The following ANTXR1 variants were observed in gnomAD, a reference collection of about 807,000 sequenced individuals.
The protein encoded by ANTXR1 is ANTXR cell adhesion molecule 1, also known as anthrax toxin receptor 1.
A neutral mutation model predicts 78.1 loss-of-function variants in ANTXR1; 19 were observed. The observed-to-expected ratio is 0.24, with a 90% CI of 0.17 to 0.36. The LOEUF is 0.36. ANTXR1 is among the 10% of genes least tolerant of loss of function. The probability of loss-of-function intolerance (pLI) is 1.00; values close to 1 mark genes in which losing one functional copy is unlikely to be tolerated. For synonymous variants in ANTXR1, 273 were observed against 260.5 expected (o/e 1.05, Z -0.46); for missense variants, 518 against 718.6 (o/e 0.72, Z 3.19).
intron 14 of ANTXR1, among the ~76,000 whole-genome samples, chr2:69,178,890 A>C (rs114492873): frequency 6.6e-6 from 1 of 152,214 alleles, no homozygotes; most frequent in Non-Finnish European, 1.5e-5. Context: ...TAAGAGGCTC[A>C]TGAACCTAGT....
chr2:69,086,545 C>T (rs547841641), intron 8 of ANTXR1, among the ~76,000 whole-genome samples: 1 of 152,352 alleles, frequency 6.6e-6, no homozygotes, highest in Non-Finnish European at 1.5e-5. Flanking sequence ...ACTTTTCCAT[C>T]TATTTTCTCT....
chr2:69,117,488 A>G (rs1006846818), intron 10 of ANTXR1, among the ~76,000 whole-genome samples: 1 of 152,236 alleles, frequency 6.6e-6, no homozygotes, highest in African/African-American at 2.4e-5. Flanking sequence ...GCATATGTGT[A>G]TATGTGTGTG....
chr2:69,029,084 C>G (rs543166146), intron 1 of ANTXR1, among the ~76,000 whole-genome samples: 6 of 149,528 alleles, frequency 4.0e-5, no homozygotes, highest in African/African-American at 1.5e-4. Flanking sequence ...AAATAATTAG[C>G]CAGGCGTGGT....
chr2:69,203,955 T>G (rs1444646824), intron 17 of ANTXR1, among the ~76,000 whole-genome samples: 2 of 152,102 alleles, frequency 1.3e-5, no homozygotes, highest in Non-Finnish European at 2.9e-5. Context: ...CTGTTCAAAT[T>G]CTCCGACCTC....
chr2:69,118,616 G>A (rs1460069940), intron 10 of ANTXR1, among the ~76,000 whole-genome samples: 1 of 152,148 alleles, frequency 6.6e-6, no homozygotes, highest in Non-Finnish European at 1.5e-5. Flanking sequence ...CCACCTAGAG[G>A]GTGGACCAGC....
chr2:69,045,745 A>G (rs1323029233), intron 3 of ANTXR1, among the ~76,000 whole-genome samples: 1 of 152,134 alleles, frequency 6.6e-6, no homozygotes, highest in Non-Finnish European at 1.5e-5. Context: ...AGGATTTGTA[A>G]CAGAAAGAGT....
intron 17 of ANTXR1, among the ~76,000 whole-genome samples, chr2:69,214,803 C>T (rs1049184348): frequency 6.6e-6 from 1 of 152,184 alleles, no homozygotes; most frequent in Non-Finnish European, 1.5e-5. Flanking sequence ...TCTCTTTTTT[C>T]CCCTGGGGTG....
chr2:69,120,884 G>A (rs1042271102), intron 10 of ANTXR1, among the ~76,000 whole-genome samples: 15 of 152,140 alleles, frequency 9.9e-5, no homozygotes, highest in Admixed American at 2.6e-4. Flanking sequence ...CTATGTGGCC[G>A]TGGTCATCTG....
intron 17 of ANTXR1, among the ~76,000 whole-genome samples, chr2:69,243,169 T>TAC (rs1254297513): frequency 2.0e-5 from 3 of 152,324 alleles, no homozygotes; most frequent in East Asian, 3.9e-4. Flanking sequence ...TAATGCTATG[T>TAC]CCTAGGAATT....
intron 17 of ANTXR1, among the ~76,000 whole-genome samples, chr2:69,221,262 C>A (rs1675312052): frequency 6.6e-6 from 1 of 152,124 alleles, no homozygotes; most frequent in Admixed American, 6.5e-5. Flanking sequence ...GAATACCTTT[C>A]AAAGAGTATC....
intron 3 of ANTXR1, among the ~76,000 whole-genome samples, chr2:69,062,086 G>A (rs1006885344): frequency 1.3e-5 from 2 of 152,174 alleles, no homozygotes; most frequent in Admixed American, 1.3e-4. Flanking sequence ...ACTTAAAGGT[G>A]GATGCGTGGT....
intron 12 of ANTXR1, among the ~76,000 whole-genome samples, chr2:69,139,396 C>T (rs1673007448): frequency 6.6e-6 from 1 of 152,234 alleles, no homozygotes; most frequent in South Asian, 2.1e-4. Flanking sequence ...CCCTGAGAAT[C>T]AGTCCTGACT....
chr2:69,129,311 G>A (rs1454704253), intron 12 of ANTXR1, among the ~76,000 whole-genome samples: 1 of 152,082 alleles, frequency 6.6e-6, no homozygotes, highest in Non-Finnish European at 1.5e-5. Context: ...TTTCTTTTAG[G>A]TACTTAAAAA....
chr2:69,213,592 G>A (rs1384659901), intron 17 of ANTXR1, among the ~76,000 whole-genome samples: 1 of 152,236 alleles, frequency 6.6e-6, no homozygotes, highest in Non-Finnish European at 1.5e-5. Flanking sequence ...TTCTGTTGAT[G>A]TAGTTACCTT....
chr2:69,098,983 C>CTAAA (rs56154212), intron 9 of ANTXR1, among the ~76,000 whole-genome samples: 1 of 151,596 alleles, frequency 6.6e-6, no homozygotes, highest in African/African-American at 2.4e-5. Context: ...GAGACTGCGT[C>CTAAA]TAAATAAATA....
At chr2:69,169,998 C>G (rs1020532617) in intron 13 of ANTXR1, among the ~76,000 whole-genome samples, 3 of 152,196 alleles carry the variant, frequency 2.0e-5, no homozygotes, top group African/African-American at 7.2e-5. Context: ...ACCTGTGGAA[C>G]ATTTATTTCT....
At chr2:69,226,233 T>C (rs1279764097) in intron 17 of ANTXR1, among the ~76,000 whole-genome samples, 3 of 152,182 alleles carry the variant, frequency 2.0e-5, no homozygotes, top group African/African-American at 7.2e-5. Flanking sequence ...GTCACCTTTC[T>C]TTTCCTGGAC....
chr2:69,132,811 G>A (rs954390935), intron 12 of ANTXR1, among the ~76,000 whole-genome samples: 4 of 152,186 alleles, frequency 2.6e-5, no homozygotes, highest in Non-Finnish European at 5.9e-5. Flanking sequence ...CAGGACCAAC[G>A]TGTTTTAAAT....
At chr2:69,034,866 G>A (rs181408768) in intron 1 of ANTXR1, among the ~76,000 whole-genome samples, 18 of 152,278 alleles carry the variant, frequency 1.2e-4, no homozygotes, top group African/African-American at 4.3e-4. Flanking sequence ...TAAATGGCAT[G>A]TTCTATACAT....
Sources: allele counts gnomAD v4.1 joint callset (sites outside exome capture counted in the v4.1 genomes callset), GRCh38; gene constraint gnomAD v4.1.1; transcripts MANE v1.5; gene names NCBI Gene and HGNC (gene_info 2026-07-23, HGNC 2026-07-21).